EGLN1: variants seen among roughly 807,000 people sequenced by gnomAD.
EGLN1 encodes egl nine homolog 1.
In EGLN1, 17 loss-of-function variants were observed where a neutral mutation model predicts 38.3. That is an observed-to-expected ratio of 0.44 (90% CI 0.30 to 0.67). The LOEUF (loss-of-function observed/expected upper bound fraction) is 0.67. EGLN1 is among the 30% of genes least tolerant of loss of function. The pLI, the probability that EGLN1 is intolerant of heterozygous loss-of-function variation, is 0.08. For missense variants in EGLN1, 477 were observed against 603.3 expected, an observed-to-expected ratio of 0.79 and a Z score of 2.19; for synonymous variants, 283 against 257.5, an observed-to-expected ratio of 1.10 and a Z score of -0.95.
rs187916633 is a variant in EGLN1 at position 231,419,151 on chromosome 1, G to A, written c.891+1847C>T. On this transcript the variant is annotated intron_variant, in intron 1 of 4. Coordinates refer to ENST00000366641, the MANE Select transcript of EGLN1 (RefSeq NM_022051.3). ...GCAGATCAAATCCAAAGAGTTTAAA[G>A]GTCATCCCTCCTTCATCCTGTCCCT... Among the ~76,000 whole-genome samples the A allele has an allele frequency of 2.6e-5, 4 of 152,238 alleles. No homozygotes were observed. In the East Asian group the frequency reaches 7.7e-4, roughly 29 times the overall value.
chr1:231,390,247 C>A (rs1164801309), intron 1 of EGLN1, among the ~76,000 whole-genome samples: 1 of 152,204 alleles, frequency 6.6e-6, no homozygotes, highest in Non-Finnish European at 1.5e-5. Flanking sequence ...AAGTCCCAAG[C>A]CTTCAGCGCT....
At chr1:231,392,772 T>C (rs1007903922) in intron 1 of EGLN1, among the ~76,000 whole-genome samples, 4 of 152,232 alleles carry the variant, frequency 2.6e-5, no homozygotes, top group African/African-American at 9.6e-5. Flanking sequence ...AATCTTTATC[T>C]TCATCCTCAA....
At chr1:231,391,565 G>T (rs1031507657) in intron 1 of EGLN1, among the ~76,000 whole-genome samples, 1 of 151,934 alleles carries the variant, frequency 6.6e-6, no homozygotes, top group Non-Finnish European at 1.5e-5. Flanking sequence ...AAATAAAATG[G>T]TACTCGGTAA....
At chr1:231,390,241 C>T (rs968039911) in intron 1 of EGLN1, among the ~76,000 whole-genome samples, 2 of 152,158 alleles carry the variant, frequency 1.3e-5, no homozygotes, top group Non-Finnish European at 2.9e-5. Context: ...TTGGGGAAGT[C>T]CCAAGCCTTC....
chr1:231,406,879 A>G (rs867120519), intron 1 of EGLN1, among the ~76,000 whole-genome samples: 1 of 152,146 alleles, frequency 6.6e-6, no homozygotes, highest in South Asian at 2.1e-4. Flanking sequence ...AAGCTATCGG[A>G]AAAGGGTGTT....
chr1:231,413,974 T>C (rs904628524), intron 1 of EGLN1, among the ~76,000 whole-genome samples: 3 of 148,252 alleles, frequency 2.0e-5, no homozygotes, highest in African/African-American at 5.1e-5. Flanking sequence ...GATTATGAAG[T>C]ACAAAGGTGG....
At chr1:231,384,989 G>A (rs113826852) in intron 1 of EGLN1, among the ~76,000 whole-genome samples, 6 of 152,310 alleles carry the variant, frequency 3.9e-5, no homozygotes, top group African/African-American at 9.6e-5. Flanking sequence ...GAAGGCAGAA[G>A]AGTAGTTAGA....
chr1:231,413,691 C>T (rs996930258), intron 1 of EGLN1, among the ~76,000 whole-genome samples: 3 of 152,120 alleles, frequency 2.0e-5, no homozygotes, highest in Non-Finnish European at 1.5e-5. Context: ...TCAGGACACC[C>T]TAGCTCCTAG....
At chr1:231,406,651 C>T (rs1203111679) in intron 1 of EGLN1, among the ~76,000 whole-genome samples, 3 of 152,004 alleles carry the variant, frequency 2.0e-5, no homozygotes, top group African/African-American at 7.2e-5. Context: ...ATATGAAATG[C>T]TTAAAAATGT....
chr1:231,390,492 G>A (rs2808595), intron 1 of EGLN1, among the ~76,000 whole-genome samples: 83,003 of 151,628 alleles, frequency 0.55, 24,331 homozygotes, highest in Non-Finnish European at 0.66. Flanking sequence ...AAAGAAATGC[G>A]GCTTAGAATG....
At chr1:231,416,664 G>A (rs1689091067) in intron 1 of EGLN1, among the ~76,000 whole-genome samples, 1 of 152,044 alleles carries the variant, frequency 6.6e-6, no homozygotes, top group South Asian at 2.1e-4. Flanking sequence ...CTAAAGCCCA[G>A]CCTAAAATAA....
At position 231,366,371 on chromosome 1, in the gene EGLN1, A is replaced by G. The variant is rs775588229; in HGVS notation, c.*40T>C. The G allele has an allele frequency of 8.2e-6, 13 of 1,593,948 alleles. No homozygotes were observed. The highest frequency in any genetic ancestry group is 1.1e-5 in the Non-Finnish European group (13 of 1,162,180). ...ATTCACAAGTTAACAAATAGTTAAC[A>G]ATATTGTAGGTGAAGTGGGGTATTG... On this transcript the variant is annotated 3_prime_UTR_variant, in exon 5 of 5. Coordinates refer to ENST00000366641, the MANE Select transcript of EGLN1 (RefSeq NM_022051.3).
At chr1:231,389,189 A>G (rs1688307316) in intron 1 of EGLN1, among the ~76,000 whole-genome samples, 1 of 152,236 alleles carries the variant, frequency 6.6e-6, no homozygotes, top group Admixed American at 6.5e-5. Context: ...CATACTATAC[A>G]GAAGTAATAA....
At position 231,391,002 on chromosome 1, in the gene EGLN1, C is replaced by A. The variant is rs189732557; in HGVS notation, c.892-16903G>T. Among the ~76,000 whole-genome samples the A allele has an allele frequency of 6.8e-4, 103 of 152,110 alleles. 4 individuals are homozygous for A. Among genetic ancestry groups the A allele is most frequent in the African/African-American group, 2.4e-3 (98 of 41,466 alleles). On this transcript the variant is annotated intron_variant, in intron 1 of 4. Coordinates refer to ENST00000366641, the MANE Select transcript of EGLN1 (RefSeq NM_022051.3). ...AGCTGGGACTACAGACGCAAGCCAC[C>A]ATGCCCGGCTAGTGTGCGTGTAGAC...
intron 2 of EGLN1, 148 bp from the exon 3 acceptor site, chr1:231,370,846 A>T: frequency 2.2e-6 from 2 of 909,780 alleles, no homozygotes; most frequent in South Asian, 2.8e-5. Context: ...TGCAATTTTA[A>T]AAGTATATGC....
At chr1:231,390,048 T>C (rs1688327182) in intron 1 of EGLN1, among the ~76,000 whole-genome samples, 1 of 152,218 alleles carries the variant, frequency 6.6e-6, no homozygotes, top group African/African-American at 2.4e-5. Context: ...ACTTACTGAC[T>C]GTGTTACTTT....
chr1:231,420,223 T>C (rs1374634584), intron 1 of EGLN1: 2 of 152,142 alleles, frequency 1.3e-5, no homozygotes, highest in Admixed American at 6.5e-5. Flanking sequence ...TCCGTGTTGT[T>C]GTTTTGTTTT....
intron 1 of EGLN1, among the ~76,000 whole-genome samples, chr1:231,405,078 G>T (rs1327107379): frequency 6.6e-6 from 1 of 152,176 alleles, no homozygotes; most frequent in Non-Finnish European, 1.5e-5. Context: ...TGATGACAAT[G>T]TTAACCAACA....
chr1:231,375,674 G>A (rs908202833), intron 1 of EGLN1, among the ~76,000 whole-genome samples: 1 of 152,150 alleles, frequency 6.6e-6, no homozygotes, highest in Non-Finnish European at 1.5e-5. Flanking sequence ...AGCACTGGAG[G>A]TTGGTAACAA....
Sources: gnomAD v4.1 joint callset for allele counts (sites outside exome capture counted in the v4.1 genomes callset) on GRCh38, gnomAD v4.1.1 for gene constraint, MANE v1.5 for transcripts, NCBI Gene and HGNC (gene_info 2026-07-23, HGNC 2026-07-21) for gene names.